PDE11A: variants seen among roughly 807,000 people sequenced by gnomAD.
PDE11A encodes the protein dual 3',5'-cyclic-AMP and -GMP phosphodiesterase 11A.
Under a neutral mutation model 100.5 loss-of-function variants are expected in PDE11A, and 100 were observed. The observed-to-expected ratio is 1.00, with a 90% confidence interval of 0.85 to 1.18. PDE11A has a LOEUF of 1.18. PDE11A is among the 50% of genes most tolerant of loss of function. The pLI, the probability that PDE11A is intolerant of heterozygous loss-of-function variation, is 0.00. For synonymous variants in PDE11A, 381 were observed against 420.8 expected (o/e 0.91, Z 1.16); for missense variants, 1,141 against 1,152.6 (o/e 0.99, Z 0.15).
chr2:177,656,527 C>T (rs986238968), intron 19 of PDE11A, among the ~76,000 whole-genome samples: 14 of 142,310 alleles, frequency 9.8e-5, no homozygotes, highest in African/African-American at 4.1e-4. Flanking sequence ...ACATTATAAG[C>T]TTACTTCATA....
chr2:177,714,413 T>C (rs1574071965), intron 12 of PDE11A, among the ~76,000 whole-genome samples: 1 of 152,242 alleles, frequency 6.6e-6, no homozygotes, highest in South Asian at 2.1e-4. Context: ...ATTTAACTTA[T>C]GGAGTTCTCA....
intron 15 of PDE11A, chr2:177,686,725 T>TTTTTTGG (rs2080957383): frequency 7.0e-6 from 1 of 142,778 alleles, no homozygotes; most frequent in African/African-American, 2.7e-5. Context: ...TTTTTTTTTT[T>TTTTTTGG]GGAGATGGAG....
chr2:177,923,980 T>C (rs1243669769), intron 2 of PDE11A, among the ~76,000 whole-genome samples: 2 of 152,198 alleles, frequency 1.3e-5, no homozygotes, highest in African/African-American at 2.4e-5. Flanking sequence ...TAAGATAATG[T>C]ATAAAAATGT....
chr2:178,026,659 T>C, intron 1 of PDE11A, among the ~76,000 whole-genome samples: 1 of 139,394 alleles, frequency 7.2e-6, no homozygotes, highest in South Asian at 2.2e-4. Flanking sequence ...AGACTCTGTC[T>C]CAAAAAAAAA....
chr2:178,091,033 G>A (rs2087416274), intron 2 of PDE11A, among the ~76,000 whole-genome samples: 1 of 152,084 alleles, frequency 6.6e-6, no homozygotes, highest in African/African-American at 2.4e-5. Context: ...ACTCTGTTAG[G>A]ACATCTTCAT....
At chr2:177,953,113 G>T (rs1458787335) in intron 2 of PDE11A, 2 of 152,114 alleles carry the variant, frequency 1.3e-5, no homozygotes, top group African/African-American at 4.8e-5. Context: ...ATGAACTCAG[G>T]TGTAGAAATT....
chr2:177,996,620 C>T (rs1051436143), intron 2 of PDE11A, among the ~76,000 whole-genome samples: 9 of 152,026 alleles, frequency 5.9e-5, no homozygotes, highest in African/African-American at 1.4e-4. Context: ...TGCAAAGCAA[C>T]TTACTTTCTC....
chr2:177,727,633 T>C lies in PDE11A; in HGVS notation c.2043+25A>G, dbSNP rs763405868. ...CAGTTCCTACGAATGAGAAATGATC[T>C]TCCACCATCACTAAGCACACTTACG... On this transcript the variant is annotated intron_variant, in intron 12 of 19. Coordinates refer to ENST00000286063, the MANE Select transcript of PDE11A (RefSeq NM_016953.4). The C allele has an allele frequency of 7.0e-6, 9 of 1,294,496 alleles. No individual in the cohort carries two copies. The Admixed American group carries it at 1.0e-4, about 14-fold the overall frequency. The allele number at this position is 1,294,496 out of a possible 1,614,324, so 80.2% of individuals were successfully genotyped here.
At chr2:178,054,036 A>C (rs1036468608) in intron 1 of PDE11A, among the ~76,000 whole-genome samples, 2 of 152,234 alleles carry the variant, frequency 1.3e-5, no homozygotes, top group Non-Finnish European at 2.9e-5. Flanking sequence ...GAACCAAAAA[A>C]GAGCCCGCAT....
rs16865835 is a variant in PDE11A, at chr2:177,848,369, G to A, written c.1368-7986C>T. 7.3e-3 allele frequency among the ~76,000 whole-genome samples: 1,104 copies of A among 152,254 alleles called. 13 individuals carry two copies. Among genetic ancestry groups the A allele is most frequent in the African/African-American group, 0.025 (1,029 of 41,556 alleles). ...AGTGAAACTTCCTTAAAAGGTCATAGTTAACCACTTAATAGCTTATTTTAA... is the reference window on the plus strand; with the variant it reads ...AGTGAAACTTCCTTAAAAGGTCATAATTAACCACTTAATAGCTTATTTTAA... On this transcript the variant is annotated intron_variant, in intron 5 of 19. Coordinates refer to ENST00000286063, the MANE Select transcript of PDE11A (RefSeq NM_016953.4).
chr2:177,687,240 G>A (rs1467709726), intron 15 of PDE11A: 1 of 152,166 alleles, frequency 6.6e-6, no homozygotes, highest in Non-Finnish European at 1.5e-5. Context: ...GTAAGTCTCT[G>A]CCAGTCCTGT....
intron 9 of PDE11A, chr2:177,797,364 C>G (rs115809798): frequency 2.6e-5 from 4 of 152,298 alleles, no homozygotes; most frequent in Non-Finnish European, 5.9e-5. Flanking sequence ...TCAGCAAGTT[C>G]CTAAACCTTT....
At chr2:177,749,692 C>G (rs1375989149) in intron 10 of PDE11A, among the ~76,000 whole-genome samples, 1 of 151,926 alleles carries the variant, frequency 6.6e-6, no homozygotes, top group African/African-American at 2.4e-5. Context: ...ATAGTAAGTG[C>G]TCAACTAATG....
At chr2:177,696,955 T>C (rs1184582315) in intron 15 of PDE11A, among the ~76,000 whole-genome samples, 1 of 152,206 alleles carries the variant, frequency 6.6e-6, no homozygotes, top group Non-Finnish European at 1.5e-5. Flanking sequence ...CTAGTTAATT[T>C]TCCATCACTG....
In PDE11A at chr2:177,626,238, T is replaced by A. The variant is rs929892868; in HGVS notation, c.*3169A>T. 1.3e-5 allele frequency: 2 copies of A among 152,648 alleles called. No homozygotes were observed. The highest frequency in any genetic ancestry group is 2.9e-5 in the Non-Finnish European group (2 of 68,056). The allele number at this position is 152,648 out of a possible 1,614,324, so 9.5% of individuals were successfully genotyped here. ...GCATCAATGTTCAGGATAGCTACAG[T>A]GCTCACGGCAGCCTGCAGTCTCTGT... is the stretch of plus-strand genomic sequence containing the variant. On this transcript the variant is annotated 3_prime_UTR_variant, in exon 20 of 20. Coordinates refer to ENST00000286063, the MANE Select transcript of PDE11A (RefSeq NM_016953.4).
intron 2 of PDE11A, among the ~76,000 whole-genome samples, chr2:178,011,466 A>G (rs928240072): frequency 3.7e-4 from 57 of 152,198 alleles, no homozygotes; most frequent in African/African-American, 1.3e-3. Context: ...TGTAACTCAG[A>G]AACAGCCAGA....
At chr2:177,930,727 T>C (rs1242499831) in intron 2 of PDE11A, among the ~76,000 whole-genome samples, 2 of 152,178 alleles carry the variant, frequency 1.3e-5, no homozygotes, top group Non-Finnish European at 2.9e-5. Context: ...ACAGAGAAAG[T>C]AGAGACAGGC....
chr2:178,081,895 C>G (rs1331887287), intron 2 of PDE11A, among the ~76,000 whole-genome samples: 1 of 152,240 alleles, frequency 6.6e-6, no homozygotes. Flanking sequence ...TGCAATAGAA[C>G]TCATACTTTA....
At chr2:177,876,790 G>A (rs188847219) in intron 4 of PDE11A, among the ~76,000 whole-genome samples, 26 of 148,456 alleles carry the variant, frequency 1.8e-4, no homozygotes, top group East Asian at 9.7e-4. Context: ...CACTACAAAT[G>A]TTGAGTGAGA....
Sources: allele counts gnomAD v4.1 joint callset (sites outside exome capture counted in the v4.1 genomes callset), GRCh38; gene constraint gnomAD v4.1.1; transcripts MANE v1.5; gene names NCBI Gene and HGNC (gene_info 2026-07-23, HGNC 2026-07-21).